GAD2: variants seen among roughly 807,000 people sequenced by gnomAD.
GAD2 encodes the protein 65 kDa glutamic acid decarboxylase.
GAD2 carries 22 observed loss-of-function variants against 80.1 expected under a neutral mutation model. The ratio of observed to expected loss-of-function variants is 0.27; its 90% CI spans 0.20 to 0.39. GAD2 has a LOEUF of 0.39. GAD2 is among the 10% of genes least tolerant of loss of function. GAD2 has a pLI of 1.00. For synonymous variants in GAD2, 274 were observed against 256.9 expected, an observed-to-expected ratio of 1.07 and a Z score of -0.64; for missense variants, 624 against 738.4, an observed-to-expected ratio of 0.85 and a Z score of 1.80.
chr10:26,244,469 G>T (rs1240755387), intron 7 of GAD2, among the ~76,000 whole-genome samples: 1 of 152,154 alleles, frequency 6.6e-6, no homozygotes, highest in South Asian at 2.1e-4. Flanking sequence ...ATAGCCAAAA[G>T]GTAGAAGCAA....
chr10:26,266,207 A>C (rs937390669), intron 8 of GAD2, among the ~76,000 whole-genome samples: 2 of 152,190 alleles, frequency 1.3e-5, no homozygotes, highest in African/African-American at 2.4e-5. Flanking sequence ...CTGCTACCCC[A>C]GTTCCTGCAA....
At chr10:26,250,619 C>T (rs368749502) in intron 8 of GAD2, among the ~76,000 whole-genome samples, 11 of 151,912 alleles carry the variant, frequency 7.2e-5, no homozygotes, top group East Asian at 1.9e-4. Context: ...AAGTTTGTGA[C>T]GGAAAATACA....
intron 8 of GAD2, among the ~76,000 whole-genome samples, chr10:26,258,124 G>A (rs1369305236): frequency 6.6e-6 from 1 of 152,216 alleles, no homozygotes; most frequent in African/African-American, 2.4e-5. Flanking sequence ...CACAGCTCTA[G>A]CCACTTTACA....
At chr10:26,294,239 G>A (rs575821472) in intron 15 of GAD2, among the ~76,000 whole-genome samples, 1 of 152,320 alleles carries the variant, frequency 6.6e-6, no homozygotes, top group East Asian at 1.9e-4. Flanking sequence ...CACTGCTCAG[G>A]AGCTTGGGCT....
Position 26,217,885 on chromosome 10 carries a change from G to C in GAD2, c.180G>C (p.Gly60=). ...GDAEKPAESG[G]SQPPRAAARK... ...CCGAGAAGCCGGCGGAGAGCGGCGG[G>C]AGCCAACCCCCGCGGGCCGCCGCCC... The change falls in exon 3 of 16, where the codon GGG becomes GGC. Residue 60 remains glycine, a synonymous_variant. Coordinates refer to ENST00000376261, the MANE Select transcript of GAD2 (RefSeq NM_001134366.2). This position sits in a 1 kb window ranked among gnomAD's most constrained non-coding sequence, Gnocchi z 4.9. 6.2e-7 allele frequency: 1 copy of C among 1,608,220 alleles called. No individual in the cohort carries two copies. Among genetic ancestry groups the C allele is most frequent in the Non-Finnish European group, 8.5e-7 (1 of 1,177,598 alleles).
intron 7 of GAD2, among the ~76,000 whole-genome samples, chr10:26,237,853 C>T (rs1310949450): frequency 2.0e-5 from 3 of 151,878 alleles, no homozygotes; most frequent in Non-Finnish European, 4.4e-5. Flanking sequence ...ACAAAAAATA[C>T]AAAAATTAGC....
chr10:26,272,496 A>C (rs918442528), intron 10 of GAD2, among the ~76,000 whole-genome samples: 1 of 152,208 alleles, frequency 6.6e-6, no homozygotes, highest in Non-Finnish European at 1.5e-5. Flanking sequence ...TATTAGCTTT[A>C]ACATTCATAC....
Position 26,301,051 on chromosome 10 carries a change from T to A in GAD2, c.*90T>A. 1 of 1,137,186 alleles carries A rather than the reference T, an allele frequency of 8.8e-7. No homozygotes were observed. The highest frequency in any genetic ancestry group is 1.3e-6 in the Non-Finnish European group (1 of 775,918). 70.4% of individuals were successfully genotyped at this position (1,137,186 alleles called of 1,614,324 possible). Reference sequence around the variant, plus strand: ...AATGTATTTGTAGTTTGTTCCAAAGTAAATCTATTTCTATATTGTGGTGTC... The same window carrying A: ...AATGTATTTGTAGTTTGTTCCAAAGAAAATCTATTTCTATATTGTGGTGTC... On this transcript the variant is annotated 3_prime_UTR_variant, in exon 16 of 16. Transcript: ENST00000376261.
In GAD2 at chr10:26,301,056, C is replaced by T; in HGVS notation, c.*95C>T. ...ATTTGTAGTTTGTTCCAAAGTAAAT[C>T]TATTTCTATATTGTGGTGTCAAAGT... On this transcript the variant is annotated 3_prime_UTR_variant, in exon 16 of 16. Coordinates refer to ENST00000376261, the MANE Select transcript of GAD2 (RefSeq NM_001134366.2). The T allele has an allele frequency of 9.2e-7, 1 of 1,088,416 alleles. No homozygotes were observed. Among genetic ancestry groups the T allele is most frequent in the Non-Finnish European group, 1.4e-6 (1 of 736,058 alleles). 67.4% of individuals were successfully genotyped at this position (1,088,416 alleles called of 1,614,324 possible). A position where few individuals can be genotyped will look rare whatever the true frequency, so the allele number is the denominator to read the frequency against.
chr10:26,262,850 CTT>C lies in GAD2; in HGVS notation c.921-6258_921-6257del, dbSNP rs61008985. 6.2e-4 allele frequency among the ~76,000 whole-genome samples: 90 copies of C among 146,018 alleles called. No individual in the cohort carries two copies. In the South Asian group the frequency reaches 0.015, roughly 24 times the overall value. On this transcript the variant is annotated intron_variant, in intron 8 of 15. Transcript: ENST00000376261. ...ATAACTTGAACCTTTTATCATAATCCTTTTTTTTTTTTCCTCTCTACAGATAC... is the reference window on the plus strand; with the variant it reads ...ATAACTTGAACCTTTTATCATAATCCTTTTTTTTTTCCTCTCTACAGATAC...
At chr10:26,218,171 C>A in intron 3 of GAD2, 180 bp downstream of exon 3, 1 of 613,106 alleles carries the variant, frequency 1.6e-6, no homozygotes, top group Non-Finnish European at 2.7e-6. Flanking sequence ...TGGGTCCAAG[C>A]CCCCGAACCT....
intron 6 of GAD2, among the ~76,000 whole-genome samples, chr10:26,225,414 A>G (rs1414541793): frequency 2.0e-5 from 3 of 152,302 alleles, no homozygotes; most frequent in Admixed American, 6.5e-5. Context: ...TTAGGAAGGC[A>G]ATGCAAAGAG....
chr10:26,220,306 T>C (rs970481454), intron 4 of GAD2, among the ~76,000 whole-genome samples: 2 of 152,234 alleles, frequency 1.3e-5, no homozygotes, highest in South Asian at 2.1e-4. Flanking sequence ...TGAACATTCA[T>C]CACCATAGAA....
At chr10:26,269,496 A>G (rs982554933) in intron 9 of GAD2, among the ~76,000 whole-genome samples, 3 of 152,258 alleles carry the variant, frequency 2.0e-5, no homozygotes, top group African/African-American at 7.2e-5. Context: ...AAATAGCAGA[A>G]TGCTAATGCA....
intron 7 of GAD2, among the ~76,000 whole-genome samples, chr10:26,234,341 A>C (rs1040664041): frequency 2.1e-5 from 3 of 144,136 alleles, no homozygotes; most frequent in African/African-American, 8.4e-5. Flanking sequence ...AAAAAGACAA[A>C]AAAAAAAAAA....
At chr10:26,286,104 G>A (rs1161620503) in intron 12 of GAD2, among the ~76,000 whole-genome samples, 1 of 152,124 alleles carries the variant, frequency 6.6e-6, no homozygotes, top group East Asian at 1.9e-4. Flanking sequence ...GTATAAATGT[G>A]TCCTTGCTAA....
At chr10:26,218,551 T>TCTCTCACACACACA (rs748110324) in intron 3 of GAD2, among the ~76,000 whole-genome samples, 241 of 118,838 alleles carry the variant, frequency 2.0e-3, no homozygotes, top group South Asian at 4.7e-3. Flanking sequence ...TCTCTCTCTC[T>TCTCTCACACACACA]CACACACACA....
intron 8 of GAD2, among the ~76,000 whole-genome samples, chr10:26,261,601 A>G (rs995678016): frequency 2.1e-4 from 32 of 152,252 alleles, no homozygotes; most frequent in African/African-American, 6.7e-4. Context: ...AGAATTTTCT[A>G]TCTCTTTAAG....
At chr10:26,252,179 C>A (rs975477720) in intron 8 of GAD2, among the ~76,000 whole-genome samples, 1 of 152,180 alleles carries the variant, frequency 6.6e-6, no homozygotes, top group African/African-American at 2.4e-5. Flanking sequence ...GTTCCTACCA[C>A]ACATTAGTCT....
Sources: allele counts gnomAD v4.1 joint callset (sites outside exome capture counted in the v4.1 genomes callset), GRCh38; gene constraint gnomAD v4.1.1; non-coding constraint Gnocchi (gnomAD v3.1); transcripts MANE v1.5; gene names NCBI Gene and HGNC (gene_info 2026-07-23, HGNC 2026-07-21).